Variants in COL19A1 observed in about 807,000 individuals in gnomAD.
The protein encoded by COL19A1 is collagen type XIX alpha 1 chain.
COL19A1 carries 159 observed loss-of-function variants against 190.2 expected under a neutral mutation model. That is an observed-to-expected ratio of 0.84 (90% CI 0.73 to 0.95). The LOEUF is 0.95. COL19A1 is among the 40% of genes least tolerant of loss of function. The pLI is 0.00. For missense variants in COL19A1, 1,418 were observed against 1,431.9 expected, an observed-to-expected ratio of 0.99 and a Z score of 0.16; for synonymous variants, 509 against 458.9, an observed-to-expected ratio of 1.11 and a Z score of -1.39.
At chr6:70,061,336 A>G (rs1780817497) in intron 14 of COL19A1, among the ~76,000 whole-genome samples, 1 of 152,084 alleles carries the variant, frequency 6.6e-6, no homozygotes, top group African/African-American at 2.4e-5. Context: ...GGATCATTCA[A>G]AGAGTGAATG....
At chr6:70,087,027 T>C (rs1782632274) in intron 15 of COL19A1, among the ~76,000 whole-genome samples, 1 of 152,178 alleles carries the variant, frequency 6.6e-6, no homozygotes, top group Non-Finnish European at 1.5e-5. Context: ...TTGGAACACA[T>C]TCATGCCCAT....
intron 48 of COL19A1, among the ~76,000 whole-genome samples, chr6:70,197,202 C>T (rs1243351656): frequency 1.3e-5 from 2 of 151,634 alleles, no homozygotes; most frequent in African/African-American, 2.4e-5. Context: ...GGGTGGATCA[C>T]GAGGTCAGGA....
intron 11 of COL19A1, among the ~76,000 whole-genome samples, chr6:69,998,048 A>T (rs1395504653): frequency 1.3e-5 from 2 of 152,178 alleles, no homozygotes; most frequent in African/African-American, 4.8e-5. Flanking sequence ...GAATGGAGAC[A>T]AAAAGGCCTT....
intron 16 of COL19A1, among the ~76,000 whole-genome samples, chr6:70,105,773 C>A (rs1217877399): frequency 6.6e-6 from 1 of 152,074 alleles, no homozygotes; most frequent in African/African-American, 2.4e-5. Flanking sequence ...ATGTGAGAAT[C>A]CTGAAGCATG....
At chr6:69,934,390 A>AT in intron 7 of COL19A1, among the ~76,000 whole-genome samples, 1 of 152,060 alleles carries the variant, frequency 6.6e-6, no homozygotes, top group East Asian at 1.9e-4. Flanking sequence ...TGCTTTTTTG[A>AT]TGTCAGAGTT....
intron 4 of COL19A1, among the ~76,000 whole-genome samples, chr6:69,922,259 ATTATAAAGATTTTCATTCATTATAAAC>A (rs1435696417): frequency 2.0e-5 from 3 of 151,864 alleles, no homozygotes; most frequent in African/African-American, 7.2e-5. Flanking sequence ...AAATATAGTA[ATTATAAAGATTTTCATTCATTATAAAC>A]TTAGATTAAA....
At chr6:70,129,873 G>A (rs532099687) in intron 17 of COL19A1, among the ~76,000 whole-genome samples, 1 of 152,328 alleles carries the variant, frequency 6.6e-6, no homozygotes, top group African/African-American at 2.4e-5. Flanking sequence ...GAGGCCAGTT[G>A]AAGTGGCCAG....
At chr6:70,051,321 A>G (rs1436363641) in intron 14 of COL19A1, among the ~76,000 whole-genome samples, 1 of 152,180 alleles carries the variant, frequency 6.6e-6, no homozygotes, top group Non-Finnish European at 1.5e-5. Context: ...AACTTGAATA[A>G]TAACAACTTA....
intron 41 of COL19A1, among the ~76,000 whole-genome samples, chr6:70,174,572 C>CA (rs1190389546): frequency 2.2e-5 from 3 of 139,364 alleles, no homozygotes; most frequent in Non-Finnish European, 3.2e-5. Context: ...AAAAAAAAAA[C>CA]AAAAAAAACA....
intron 18 of COL19A1, among the ~76,000 whole-genome samples, chr6:70,134,132 A>G (rs1479525161): frequency 6.6e-6 from 1 of 152,198 alleles, no homozygotes; most frequent in East Asian, 1.9e-4. Context: ...TACAATGGAA[A>G]CTGTAGCACC....
At chr6:69,957,683 C>T (rs1774506368) in intron 9 of COL19A1, among the ~76,000 whole-genome samples, 1 of 152,086 alleles carries the variant, frequency 6.6e-6, no homozygotes, top group African/African-American at 2.4e-5. Flanking sequence ...CTTATTTCTT[C>T]TTGGACTGAA....
intron 11 of COL19A1, among the ~76,000 whole-genome samples, chr6:70,017,605 G>C (rs951692873): frequency 6.6e-6 from 1 of 152,118 alleles, no homozygotes; most frequent in African/African-American, 2.4e-5. Flanking sequence ...AACATCTAGG[G>C]AAAGTTTGTT....
chr6:70,077,260 A>G (rs1055651174), intron 15 of COL19A1, among the ~76,000 whole-genome samples: 4 of 152,188 alleles, frequency 2.6e-5, no homozygotes, highest in African/African-American at 9.7e-5. Context: ...TCAAGAGAGA[A>G]GCTATTGCAA....
intron 15 of COL19A1, among the ~76,000 whole-genome samples, chr6:70,086,643 C>T (rs1219505043): frequency 6.6e-6 from 1 of 152,122 alleles, no homozygotes; most frequent in Non-Finnish European, 1.5e-5. Flanking sequence ...GGTTTTATCT[C>T]ATGTTATCTA....
At chr6:70,017,382 G>A (rs1010256972) in intron 11 of COL19A1, among the ~76,000 whole-genome samples, 7 of 152,142 alleles carry the variant, frequency 4.6e-5, no homozygotes, top group Non-Finnish European at 8.8e-5. Context: ...GGTGATGGAA[G>A]TATTTTAGTC....
intron 45 of COL19A1, 64 bp downstream of exon 45, chr6:70,184,802 A>G: frequency 1.2e-6 from 2 of 1,604,566 alleles, no homozygotes; most frequent in Non-Finnish European, 1.7e-6. Context: ...ACCTACCAAC[A>G]TTTACATCAA....
intron 16 of COL19A1, among the ~76,000 whole-genome samples, chr6:70,103,072 C>T (rs1480795110): frequency 2.6e-5 from 4 of 152,158 alleles, no homozygotes; most frequent in African/African-American, 9.7e-5. Context: ...TCAACCCAGA[C>T]ATTGTTGCTG....
chr6:69,993,984 T>C (rs1310856454), intron 11 of COL19A1, among the ~76,000 whole-genome samples: 1 of 152,042 alleles, frequency 6.6e-6, no homozygotes, highest in East Asian at 1.9e-4. Context: ...TTATTTCTTG[T>C]CTTCTGCTAG....
chr6:70,021,261 A>G (rs1778398707), intron 11 of COL19A1, among the ~76,000 whole-genome samples: 1 of 152,124 alleles, frequency 6.6e-6, no homozygotes, highest in Non-Finnish European at 1.5e-5. Context: ...TTCTCTTGCT[A>G]TGCAGCATAA....
Sources: allele counts gnomAD v4.1 joint callset (sites outside exome capture counted in the v4.1 genomes callset), GRCh38; gene constraint gnomAD v4.1.1; transcripts MANE v1.5; gene names NCBI Gene and HGNC (gene_info 2026-07-23, HGNC 2026-07-21).